ZFR: variants seen among roughly 807,000 people sequenced by gnomAD.
ZFR encodes the protein zinc finger RNA-binding protein.
A neutral mutation model predicts 130.7 loss-of-function variants in ZFR; 19 were observed. That is an observed-to-expected ratio of 0.15 (90% confidence interval 0.10 to 0.21). The LOEUF (loss-of-function observed/expected upper bound fraction) is 0.21. Among genes scored for constraint, ZFR ranks in the 10% least tolerant of loss-of-function variants. The pLI, the probability that ZFR is intolerant of heterozygous loss-of-function variation, is 1.00. For synonymous variants in ZFR, 466 were observed against 456.9 expected (o/e 1.02, Z -0.25); for missense variants, 872 against 1,321.5 (o/e 0.66, Z 5.27).
At chr5:32,405,498 C>A (rs184377681) in intron 6 of ZFR, among the ~76,000 whole-genome samples, 1 of 152,168 alleles carries the variant, frequency 6.6e-6, no homozygotes, top group Admixed American at 6.5e-5. Context: ...AAATAGCCAG[C>A]CTTATATGCA....
At chr5:32,358,417 T>A (rs1413722589) in intron 19 of ZFR, among the ~76,000 whole-genome samples, 1 of 152,170 alleles carries the variant, frequency 6.6e-6, no homozygotes, top group Non-Finnish European at 1.5e-5. Context: ...TCCTAGCACT[T>A]TGGGAGGCCT....
intron 10 of ZFR, among the ~76,000 whole-genome samples, chr5:32,395,637 TTTC>T (rs1287869779): frequency 1.3e-5 from 2 of 152,072 alleles, no homozygotes; most frequent in African/African-American, 4.8e-5. Flanking sequence ...TGCTGCTGAG[TTTC>T]TTCTCCCTCT....
intron 2 of ZFR, among the ~76,000 whole-genome samples, chr5:32,432,562 T>A (rs1316545490): frequency 6.6e-6 from 1 of 152,184 alleles, no homozygotes; most frequent in East Asian, 1.9e-4. Context: ...ACTCCTGAGG[T>A]CAAGTAATCC....
chr5:32,384,951 G>C (rs1753012571), intron 15 of ZFR, among the ~76,000 whole-genome samples: 1 of 152,040 alleles, frequency 6.6e-6, no homozygotes, highest in Non-Finnish European at 1.5e-5. Context: ...AGGATGTTCT[G>C]CATTTATGAA....
Position 32,364,032 on chromosome 5 carries a change from A to G in ZFR, c.2961T>C (p.Leu987=). The change falls in exon 19 of 20, where the codon CTT becomes CTC. Residue 987 remains leucine, a synonymous_variant. Coordinates refer to ENST00000265069, the MANE Select transcript of ZFR (RefSeq NM_016107.5). ...AGGGATCCTTTTCACAAGGATCCAGAAGTCCAGGACTACCTACAGCAATCA... is the reference window on the plus strand; with the variant it reads ...AGGGATCCTTTTCACAAGGATCCAGGAGTCCAGGACTACCTACAGCAATCA... ...SGIILKGSPG[L]LDPCEKDPFD... The G allele has an allele frequency of 6.2e-7, 1 of 1,614,128 alleles. No individual in the cohort carries two copies. The highest frequency in any genetic ancestry group is 8.5e-7 in the Non-Finnish European group (1 of 1,179,998).
At chr5:32,408,214 T>C (rs2963979) in intron 5 of ZFR, among the ~76,000 whole-genome samples, 144,820 of 151,880 alleles carry the variant, frequency 0.95, 69,104 homozygotes, top group African/African-American at 0.98. Context: ...CTAAACCTAA[T>C]TTTTCTCATA....
chr5:32,427,054 TTGCATTCCTATA>T (rs1219182528), intron 2 of ZFR, among the ~76,000 whole-genome samples: 1 of 151,938 alleles, frequency 6.6e-6, no homozygotes, highest in Admixed American at 6.6e-5. Flanking sequence ...CAAAAATCAG[TTGCATTCCTATA>T]TGTTAACAAT....
At chr5:32,413,874 G>C (rs1753764982) in intron 5 of ZFR, among the ~76,000 whole-genome samples, 1 of 152,056 alleles carries the variant, frequency 6.6e-6, no homozygotes, top group Non-Finnish European at 1.5e-5. Context: ...GCCTTTAATA[G>C]ATTATAAAAT....
intron 2 of ZFR, among the ~76,000 whole-genome samples, chr5:32,427,382 A>G (rs1754097494): frequency 1.3e-5 from 2 of 150,788 alleles, no homozygotes; most frequent in South Asian, 4.2e-4. Flanking sequence ...CTCAAAAAAA[A>G]AAAAAAAAAA....
At chr5:32,406,715 A>G in intron 6 of ZFR, 59 bp downstream of exon 6, 1 of 1,547,162 alleles carries the variant, frequency 6.5e-7, no homozygotes, top group Non-Finnish European at 8.7e-7. Context: ...CAGGAGTTAG[A>G]ATACCAACTA....
At chr5:32,392,343 T>C (rs1753199953) in intron 11 of ZFR, among the ~76,000 whole-genome samples, 1 of 152,124 alleles carries the variant, frequency 6.6e-6, no homozygotes, top group Non-Finnish European at 1.5e-5. Context: ...TAGAAGAGAA[T>C]TCCCAATATG....
intron 17 of ZFR, chr5:32,364,823 T>C (rs1431693022): frequency 6.6e-6 from 1 of 152,212 alleles, no homozygotes; most frequent in Non-Finnish European, 1.5e-5. Flanking sequence ...TAAAAATTTG[T>C]ATTTAGATTT....
chr5:32,358,754 T>C (rs959743786), intron 19 of ZFR, among the ~76,000 whole-genome samples: 2 of 151,938 alleles, frequency 1.3e-5, no homozygotes, highest in African/African-American at 4.8e-5. Context: ...CAAATGTTAA[T>C]TAATCGTCTT....
intron 2 of ZFR, among the ~76,000 whole-genome samples, chr5:32,420,763 A>G (rs538936144): frequency 3.5e-4 from 53 of 152,324 alleles, no homozygotes; most frequent in African/African-American, 1.2e-3. Context: ...CAAATCCTAC[A>G]ATGCACAGGA....
In ZFR at chr5:32,444,215, C is replaced by T. The variant is rs1561937134; in HGVS notation, c.137+14G>A. On this transcript the variant is annotated intron_variant, in intron 2 of 19. Transcript: ENST00000265069. ...GAGCAAGGGGCGAACAGAGAGAAGG[C>T]AGGATGCCGTTACCTATATTGGGCC... 1.9e-6 allele frequency: 3 copies of T among 1,595,506 alleles called. No individual in the cohort carries two copies. Among genetic ancestry groups the T allele is most frequent in the Admixed American group, 3.5e-5 (2 of 57,676 alleles).
Position 32,420,034 on chromosome 5 carries a change from A to T in ZFR, c.207T>A (p.Ala69=), listed in dbSNP as rs1002737713. The part of the protein sequence containing the change: ...TTVASYTVHQ[A]PVAAHTVTAA... ...CAGTAACTGTGTGAGCAGCTACTGG[A>T]GCCTGATGGACAGTGTAGCTAGCAA... is the stretch of plus-strand genomic sequence containing the variant. The change falls in exon 3 of 20, where the codon GCT becomes GCA. Residue 69 remains alanine, a synonymous_variant. Coordinates refer to ENST00000265069, the MANE Select transcript of ZFR (RefSeq NM_016107.5). 3 of 1,613,666 alleles carry T rather than the reference A, an allele frequency of 1.9e-6. No homozygotes were observed. Among genetic ancestry groups the T allele is most frequent in the Admixed American group, 3.3e-5 (2 of 60,018 alleles).
At chr5:32,383,599 G>A (rs1371952225) in intron 15 of ZFR, among the ~76,000 whole-genome samples, 1 of 152,120 alleles carries the variant, frequency 6.6e-6, no homozygotes, top group Non-Finnish European at 1.5e-5. Flanking sequence ...ATGCATTAAA[G>A]AGACTACCAC....
intron 4 of ZFR, among the ~76,000 whole-genome samples, chr5:32,416,182 A>G (rs1753822443): frequency 6.6e-6 from 1 of 152,214 alleles, no homozygotes; most frequent in Non-Finnish European, 1.5e-5. Flanking sequence ...GAGCTAAACA[A>G]CTTACACAAG....
At chr5:32,386,365 T>C (rs1581690100) in intron 14 of ZFR, among the ~76,000 whole-genome samples, 1 of 152,150 alleles carries the variant, frequency 6.6e-6, no homozygotes, top group South Asian at 2.1e-4. Flanking sequence ...AAATTAACTA[T>C]AAATTAATTT....
Sources: allele counts gnomAD v4.1 joint callset (sites outside exome capture counted in the v4.1 genomes callset), GRCh38; gene constraint gnomAD v4.1.1; transcripts MANE v1.5; gene names NCBI Gene and HGNC (gene_info 2026-07-23, HGNC 2026-07-21).